The following WDR20 variants were observed in gnomAD, a reference collection of about 807,000 sequenced individuals.
WDR20 encodes WD repeat domain 20, also known as WD repeat-containing protein 20.
A neutral mutation model predicts 38.7 loss-of-function variants in WDR20; 3 were observed. The observed-to-expected ratio is 0.08, with a 90% CI of 0.04 to 0.20. The LOEUF (loss-of-function observed/expected upper bound fraction) is 0.20, where lower values mean the gene tolerates loss of function less well. Among genes scored for constraint, WDR20 ranks in the 10% least tolerant of loss-of-function variants. The pLI, the probability that WDR20 is intolerant of heterozygous loss-of-function variation, is 1.00. For synonymous variants in WDR20, 298 were observed against 285.6 expected, an observed-to-expected ratio of 1.04 and a Z score of -0.44; for missense variants, 559 against 727.7, an observed-to-expected ratio of 0.77 and a Z score of 2.67.
chr14:102,164,366 T>TA (rs957495249), intron 1 of WDR20, among the ~76,000 whole-genome samples: 3 of 26,684 alleles, frequency 1.1e-4, no homozygotes, highest in African/African-American at 2.1e-4. Flanking sequence ...GGAAGTACCT[T>TA]GGTGCTAGCT....
At chr14:102,154,751 T>C (rs987115556) in intron 1 of WDR20, among the ~76,000 whole-genome samples, 4 of 152,206 alleles carry the variant, frequency 2.6e-5, no homozygotes, top group African/African-American at 9.7e-5. Flanking sequence ...GTGTATACTT[T>C]GTTGCCTTTT....
Position 102,207,061 on chromosome 14 carries a change from TG to T in WDR20, c.433-1537del, listed in dbSNP as rs2061670903. 6.6e-6 allele frequency among the ~76,000 whole-genome samples: 1 copy of T among 151,726 alleles called. No individual in the cohort carries two copies. The highest frequency in any genetic ancestry group is 1.5e-5 in the Non-Finnish European group (1 of 67,942). ...ACCAGGCAGGAGGATAAAGAGGAGG[TG>T]GGGGATGAAAATACTGGCTGTGTCC... On this transcript the variant is annotated intron_variant, in intron 2 of 2. Transcript: ENST00000342702. The surrounding 1 kb of genome is among the most constrained non-coding windows in gnomAD (Gnocchi z 5.0).
intron 2 of WDR20, among the ~76,000 whole-genome samples, chr14:102,204,847 T>G (rs2152994566): frequency 6.6e-6 from 1 of 152,362 alleles, no homozygotes; most frequent in African/African-American, 2.4e-5. Flanking sequence ...TGTCCATCAG[T>G]GGGGCACTTC....
intron 1 of WDR20, among the ~76,000 whole-genome samples, chr14:102,179,660 G>C (rs968492919): frequency 2.0e-5 from 3 of 151,948 alleles, no homozygotes; most frequent in African/African-American, 4.8e-5. Context: ...AATTTTACTG[G>C]TTTAACTTTG....
In WDR20 at chr14:102,209,365, A is replaced by G. The variant is rs1311228833; in HGVS notation, c.1195A>G (p.Thr399Ala). Residue 399 changes from threonine (T) to alanine (A), a missense_variant, in exon 3 of 3, where the codon ACA (threonine) becomes GCA (alanine). Transcript: ENST00000342702. The surrounding 1 kb of genome is among the most constrained non-coding windows in gnomAD (Gnocchi z 6.0). ...FPHQPLSRARTHTNVMNATSP... is the reference protein window; with the variant it reads ...FPHQPLSRARAHTNVMNATSP... ...TCACCAACCCCTCTCAAGAGCAAGG[A>G]CACACACAAATGTCATGAATGCCAC... 1.9e-6 allele frequency: 3 copies of G among 1,614,164 alleles called. No individual in the cohort carries two copies. In the East Asian group the frequency reaches 6.7e-5, roughly 36 times the overall value.
intron 1 of WDR20, among the ~76,000 whole-genome samples, chr14:102,166,442 C>G (rs1224037570): frequency 6.6e-6 from 1 of 152,118 alleles, no homozygotes; most frequent in Non-Finnish European, 1.5e-5. Flanking sequence ...TGACATATAT[C>G]TGTGCATGCA....
At chr14:102,215,202 G>A (rs12883965), downstream of WDR20, among the ~76,000 whole-genome samples, 11,623 of 152,254 alleles carry the variant, frequency 0.076, 522 homozygotes, top group African/African-American at 0.11. Context: ...AATGTTCTGC[G>A]TCTCAGATAC....
chr14:102,164,290 C>T (rs1224431792), intron 1 of WDR20, among the ~76,000 whole-genome samples: 1 of 152,190 alleles, frequency 6.6e-6, no homozygotes, highest in Non-Finnish European at 1.5e-5. Context: ...GCCTGACTCA[C>T]AGCCTTCCTT....
chr14:102,221,748 G>C lies in WDR20; in HGVS notation c.1693-1082G>C, dbSNP rs28540894. Among the ~76,000 whole-genome samples the C allele has an allele frequency of 6.6e-6, 1 of 152,132 alleles. No homozygotes were observed. The highest frequency in any genetic ancestry group is 1.5e-5 in the Non-Finnish European group (1 of 68,028). On this transcript the variant is annotated intron_variant, in intron 3 of 3. Coordinates refer to the WDR20 transcript ENST00000335263. The surrounding 1 kb of genome is among the most constrained non-coding windows in gnomAD (Gnocchi z 4.8). Reference sequence around the variant, plus strand: ...TGGGCGAGGCTGAAGGGCAGTTTCCGATTGTCACCTTCATTTGTGTCCACA... The same window carrying C: ...TGGGCGAGGCTGAAGGGCAGTTTCCCATTGTCACCTTCATTTGTGTCCACA...
At chr14:102,158,712 G>T (rs941304679) in intron 1 of WDR20, among the ~76,000 whole-genome samples, 1 of 152,098 alleles carries the variant, frequency 6.6e-6, no homozygotes, top group African/African-American at 2.4e-5. Context: ...AGTCAAAAGA[G>T]AATTTCTCCA....
In WDR20 at chr14:102,176,436, C is replaced by T. The variant is rs565139111; in HGVS notation, c.250-18502C>T. The stretch of plus-strand genomic sequence containing the variant: ...AAGTGGGGCCGGGCGTGGTGGCTCA[C>T]GCCTGTAATCCCAGCACTTTGGGAG... On this transcript the variant is annotated intron_variant, in intron 1 of 2. Coordinates refer to ENST00000342702, the MANE Select transcript of WDR20 (RefSeq NM_144574.4). Among the ~76,000 whole-genome samples, 5 of 152,138 alleles carry T rather than the reference C, an allele frequency of 3.3e-5. No homozygotes were observed. In the South Asian group the frequency reaches 8.3e-4, roughly 25 times the overall value.
At chr14:102,217,225 G>C (rs28626353), downstream of WDR20, among the ~76,000 whole-genome samples, 15,191 of 152,220 alleles carry the variant, frequency 0.1, 1,511 homozygotes, top group African/African-American at 0.26. Flanking sequence ...TCCCAGGAGC[G>C]GGAGGGCCTC....
Position 102,220,302 on chromosome 14 carries a change from T to C in WDR20, c.1693-2528T>C, listed in dbSNP as rs529618859. 2.0e-5 allele frequency among the ~76,000 whole-genome samples: 3 copies of C among 152,308 alleles called. No homozygotes were observed. The highest frequency in any genetic ancestry group is 7.2e-5 in the African/African-American group (3 of 41,560). Reference sequence around the variant, plus strand: ...CACCTGCAGCCACTAAGTATGTAAATTGGGGCCAGTCCAACCTGAAAAGTG... The same window carrying C: ...CACCTGCAGCCACTAAGTATGTAAACTGGGGCCAGTCCAACCTGAAAAGTG... On this transcript the variant is annotated intron_variant, in intron 3 of 3. Coordinates refer to the WDR20 transcript ENST00000335263. This position sits in a 1 kb window ranked among gnomAD's most constrained non-coding sequence, Gnocchi z 4.2.
downstream of WDR20, chr14:102,213,171 G>A: frequency 1.0e-6 from 1 of 985,698 alleles, no homozygotes; most frequent in Non-Finnish European, 1.2e-6. Flanking sequence ...CTGCGATGGG[G>A]CAGGCTTCTA....
intron 1 of WDR20, among the ~76,000 whole-genome samples, chr14:102,150,111 A>G (rs2055237616): frequency 6.6e-6 from 1 of 152,194 alleles, no homozygotes; most frequent in Non-Finnish European, 1.5e-5. Context: ...GCTTAAATAT[A>G]TAGGTTTTAT....
chr14:102,224,040 T>TC (rs1361504421), downstream of WDR20, among the ~76,000 whole-genome samples: 1 of 146,390 alleles, frequency 6.8e-6, no homozygotes, highest in Non-Finnish European at 1.5e-5. Flanking sequence ...ACCTGAGATT[T>TC]TTTTTTTTTT....
At chr14:102,141,014 G>A (rs190540380) in intron 1 of WDR20, among the ~76,000 whole-genome samples, 2 of 152,292 alleles carry the variant, frequency 1.3e-5, no homozygotes, top group East Asian at 3.9e-4. Flanking sequence ...CTTGGCGGGC[G>A]AGTTACCGGT....
chr14:102,202,057 CCT>C (rs1419724002), intron 2 of WDR20, among the ~76,000 whole-genome samples: 1 of 152,134 alleles, frequency 6.6e-6, no homozygotes, highest in Non-Finnish European at 1.5e-5. Context: ...CTTCCCTGTC[CCT>C]CTCTCCTGGA....
intron 1 of WDR20, among the ~76,000 whole-genome samples, chr14:102,149,277 T>G (rs147081099): frequency 0.012 from 1,823 of 152,334 alleles, 16 homozygotes; most frequent in Middle Eastern, 0.02. Context: ...GTGATGCTTT[T>G]GCCTTGTGCT....
Sources: gnomAD v4.1 joint callset for allele counts (sites outside exome capture counted in the v4.1 genomes callset) on GRCh38, gnomAD v4.1.1 for gene constraint, Gnocchi (gnomAD v3.1) non-coding constraint, MANE v1.5 for transcripts, NCBI Gene and HGNC (gene_info 2026-07-23, HGNC 2026-07-21) for gene names.